Variants in DTNA observed in about 807,000 individuals in gnomAD.
DTNA encodes the protein dystrophin-related protein 3.
Under a neutral mutation model 100.7 loss-of-function variants are expected in DTNA, and 43 were observed. That is an observed-to-expected ratio of 0.43 (90% CI 0.33 to 0.55). The LOEUF is 0.55. Ranked by LOEUF, DTNA falls within the 20% of genes least tolerant of loss-of-function variation. The pLI, the probability that DTNA is intolerant of heterozygous loss-of-function variation, is 0.04. For synonymous variants in DTNA, 349 were observed against 347.9 expected, an observed-to-expected ratio of 1.00 and a Z score of -0.04; for missense variants, 798 against 953.9, an observed-to-expected ratio of 0.84 and a Z score of 2.15.
At chr18:34,719,573 T>C (rs2084821414) in intron 1 of DTNA, among the ~76,000 whole-genome samples, 1 of 152,124 alleles carries the variant, frequency 6.6e-6, no homozygotes, top group African/African-American at 2.4e-5. Context: ...TTTTATAATA[T>C]GTACAGAGAT....
intron 1 of DTNA, among the ~76,000 whole-genome samples, chr18:34,597,783 C>T (rs371247722): frequency 6.6e-6 from 1 of 150,988 alleles, no homozygotes; most frequent in African/African-American, 2.4e-5. Flanking sequence ...CCCGCCCCCC[C>T]AGAATGCCTA....
chr18:34,507,681 A>G (rs190047678), intron 1 of DTNA, among the ~76,000 whole-genome samples: 3 of 152,296 alleles, frequency 2.0e-5, no homozygotes, highest in Admixed American at 2.0e-4. Flanking sequence ...ATGGTTCTCA[A>G]AGTGTTGGCC....
At chr18:34,791,539 C>T (rs1430432011) in intron 3 of DTNA, among the ~76,000 whole-genome samples, 4 of 152,102 alleles carry the variant, frequency 2.6e-5, no homozygotes, top group Non-Finnish European at 2.9e-5. Context: ...TTATAAATGC[C>T]ATTTCCCTGG....
At chr18:34,541,774 T>C (rs1321023619) in intron 1 of DTNA, among the ~76,000 whole-genome samples, 1 of 151,930 alleles carries the variant, frequency 6.6e-6, no homozygotes, top group Admixed American at 6.6e-5. Flanking sequence ...GGAGATAAAG[T>C]GAGATTAGAA....
intron 11 of DTNA, 23 bp from the exon 12 acceptor site, chr18:34,838,071 G>T (rs1468946687): frequency 3.7e-6 from 6 of 1,612,100 alleles, no homozygotes; most frequent in Non-Finnish European, 5.1e-6. Context: ...CGCTCTTCTT[G>T]GCTTTCCCAT....
At chr18:34,848,783 T>C (rs776223828) in intron 14 of DTNA, among the ~76,000 whole-genome samples, 28 of 152,170 alleles carry the variant, frequency 1.8e-4, no homozygotes, top group Non-Finnish European at 3.2e-4. Context: ...GTAGAAATAA[T>C]AGAGCTATAG....
chr18:34,706,833 T>C (rs758436151), upstream of DTNA, among the ~76,000 whole-genome samples: 62 of 152,294 alleles, frequency 4.1e-4, no homozygotes, highest in Non-Finnish European at 7.9e-4. Flanking sequence ...GCAGAATAGA[T>C]ACTAATCCGA....
intron 1 of DTNA, among the ~76,000 whole-genome samples, chr18:34,605,457 C>G (rs959388139): frequency 6.6e-6 from 1 of 152,116 alleles, no homozygotes; most frequent in Non-Finnish European, 1.5e-5. Flanking sequence ...AATTTTAGAG[C>G]TTGACAATTT....
At chr18:34,607,231 T>C (rs1175907414) in intron 1 of DTNA, among the ~76,000 whole-genome samples, 1 of 152,216 alleles carries the variant, frequency 6.6e-6, no homozygotes, top group African/African-American at 2.4e-5. Context: ...TTACAAATCT[T>C]TTTTGACTGA....
At chr18:34,567,974 T>C (rs1408000072) in intron 1 of DTNA, among the ~76,000 whole-genome samples, 2 of 152,190 alleles carry the variant, frequency 1.3e-5, no homozygotes, top group Non-Finnish European at 2.9e-5. Flanking sequence ...GTTGCAATTA[T>C]GCGGTTTTCT....
chr18:34,772,755 T>C (rs760522322), intron 3 of DTNA, among the ~76,000 whole-genome samples: 1 of 152,204 alleles, frequency 6.6e-6, no homozygotes, highest in Non-Finnish European at 1.5e-5. Context: ...GAAGCACACA[T>C]TTATTATCTT....
intron 5 of DTNA, 109 bp from the exon 6 acceptor site, chr18:34,811,850 A>T (rs78570855): frequency 1.6e-6 from 2 of 1,283,618 alleles, no homozygotes; most frequent in African/African-American, 3.0e-5. Flanking sequence ...ATTCTTTCAT[A>T]AAAAATGTTT....
chr18:34,808,750 A>G (rs2095423002), intron 5 of DTNA, among the ~76,000 whole-genome samples: 1 of 152,180 alleles, frequency 6.6e-6, no homozygotes, highest in Non-Finnish European at 1.5e-5. Context: ...TCACCCTCCA[A>G]AAAGCACTCT....
chr18:34,824,809 A>T (rs541099675), intron 9 of DTNA, among the ~76,000 whole-genome samples: 14 of 151,924 alleles, frequency 9.2e-5, no homozygotes, highest in Non-Finnish European at 1.3e-4. Flanking sequence ...TGGAACTCCT[A>T]GGCTGAGATT....
At chr18:34,734,048 G>T (rs750273633) in intron 1 of DTNA, among the ~76,000 whole-genome samples, 3 of 152,080 alleles carry the variant, frequency 2.0e-5, no homozygotes, top group Admixed American at 6.6e-5. Flanking sequence ...ATAAATTGAA[G>T]AACTCAAGCA....
chr18:34,806,386 C>A (rs1337915285), intron 5 of DTNA, 82 bp downstream of exon 5: 11 of 1,131,010 alleles, frequency 9.7e-6, no homozygotes, highest in South Asian at 1.3e-5. Flanking sequence ...TCTATGTCCC[C>A]TCCCCATTTG....
At chr18:34,539,184 G>A (rs1321846638) in intron 1 of DTNA, among the ~76,000 whole-genome samples, 1 of 151,684 alleles carries the variant, frequency 6.6e-6, no homozygotes, top group African/African-American at 2.4e-5. Context: ...TCTTAATGCA[G>A]GTTTTCTTGG....
chr18:34,587,086 C>G (rs866227858), intron 1 of DTNA, among the ~76,000 whole-genome samples: 1 of 152,008 alleles, frequency 6.6e-6, no homozygotes, highest in African/African-American at 2.4e-5. Flanking sequence ...TCTCAGCCCC[C>G]CTACTTGGGA....
chr18:34,663,289 G>C (rs1219377662), intron 1 of DTNA, among the ~76,000 whole-genome samples: 3 of 151,986 alleles, frequency 2.0e-5, no homozygotes, highest in Non-Finnish European at 4.4e-5. Flanking sequence ...AAGTTTCTGG[G>C]ACTACATACA....
Sources: allele counts gnomAD v4.1 joint callset (sites outside exome capture counted in the v4.1 genomes callset), GRCh38; gene constraint gnomAD v4.1.1; transcripts MANE v1.5; gene names NCBI Gene and HGNC (gene_info 2026-07-23, HGNC 2026-07-21).